ZMYM2: variants seen among roughly 807,000 people sequenced by gnomAD.
ZMYM2 encodes zinc finger MYM-type protein 2.
In ZMYM2, 56 loss-of-function variants were observed where a neutral mutation model predicts 162.8. That is an observed-to-expected ratio of 0.34 (90% CI 0.28 to 0.43). The LOEUF (loss-of-function observed/expected upper bound fraction) is 0.43. Ranked by LOEUF, ZMYM2 falls within the 20% of genes least tolerant of loss-of-function variation. The probability of loss-of-function intolerance (pLI) is 1.00; values close to 1 mark genes in which losing one functional copy is unlikely to be tolerated. For missense variants in ZMYM2, 1,275 were observed against 1,621.8 expected (o/e 0.79, Z 3.67); for synonymous variants, 510 against 541.6 (o/e 0.94, Z 0.81).
In ZMYM2 at chr13:20,006,419, A is replaced by G; in HGVS notation, c.1345A>G (p.Ser449Gly). 6.2e-7 allele frequency: 1 copy of G among 1,606,138 alleles called. No individual in the cohort carries two copies. Among genetic ancestry groups the G allele is most frequent in the Non-Finnish European group, 8.5e-7 (1 of 1,175,762 alleles). ...TAAAAATATGACTCATAAGCTGTGC[A>G]GTGACCACTGCTTTAATAGATATAG... is the stretch of plus-strand genomic sequence containing the variant. ...SFKNMTHKLC[S>G]DHCFNRYRMA... The change falls in exon 6 of 25, where the codon AGT (serine) becomes GGT (glycine). Residue 449 changes from serine to glycine, a missense_variant. Ser to Gly is a moderately conservative substitution (Grantham distance 56). This residue lies in a region of ZMYM2 where 276 missense variants were observed against 311.8 expected (regional missense o/e 0.89). Transcript: ENST00000610343.
At chr13:19,901,523 G>A in the ZMYM2 span, among the ~76,000 whole-genome samples, 2 of 151,688 alleles carry the variant, frequency 1.3e-5, no homozygotes, top group Non-Finnish European at 2.9e-5. Context: ...TTGAGATGGA[G>A]TCTGGCTCTG....
At chr13:19,986,584 A>AT (rs201020317) in intron 2 of ZMYM2, among the ~76,000 whole-genome samples, 7 of 152,302 alleles carry the variant, frequency 4.6e-5, no homozygotes, top group Admixed American at 3.3e-4. Flanking sequence ...TGAAAAAAAA[A>AT]TTTTTAACAT....
chr13:20,032,263 T>C (rs1473562937), intron 10 of ZMYM2, among the ~76,000 whole-genome samples: 1 of 152,176 alleles, frequency 6.6e-6, no homozygotes, highest in Non-Finnish European at 1.5e-5. Flanking sequence ...TGATTTGCTT[T>C]GACATGTCTC....
upstream of ZMYM2, among the ~76,000 whole-genome samples, chr13:19,955,103 C>T (rs895074994): frequency 1.3e-5 from 2 of 151,754 alleles, no homozygotes; most frequent in African/African-American, 2.4e-5. Context: ...TGAGCCACTG[C>T]GCCCGGCCCC....
chr13:20,031,865 G>GTTTTTT (rs10642086), intron 10 of ZMYM2, among the ~76,000 whole-genome samples: 31 of 130,270 alleles, frequency 2.4e-4, no homozygotes, highest in Non-Finnish European at 2.6e-4. Context: ...TTCTGTAATT[G>GTTTTTT]TTTTTTTTTT....
At position 20,081,998 on chromosome 13, in the gene ZMYM2, C is replaced by CT. The variant is rs5802036; in HGVS notation, c.3454-5dup. The CT allele has an allele frequency of 7.0e-4, 759 of 1,080,556 alleles. No homozygotes were observed. Among genetic ancestry groups the CT allele is most frequent in the South Asian group, 2.5e-3 (146 of 57,666 alleles). 66.9% of individuals were successfully genotyped at this position (1,080,556 alleles called of 1,614,324 possible). ...TTTTCTTTCAAGAAAGTTTGTGGGG[C>CT]TTTTTTTTTTTTTATAGTATTTGTG... On this transcript the variant is annotated splice_polypyrimidine_tract_variant and intron_variant, in intron 21 of 24. Coordinates refer to ENST00000610343, the MANE Select transcript of ZMYM2 (RefSeq NM_197968.4).
intron 7 of ZMYM2, among the ~76,000 whole-genome samples, chr13:20,022,140 T>C (rs1247649450): frequency 6.6e-6 from 1 of 152,228 alleles, no homozygotes; most frequent in Non-Finnish European, 1.5e-5. Context: ...TGTGTGTGTC[T>C]AATTTTCTAG....
At chr13:19,950,540 A>G in the ZMYM2 span, among the ~76,000 whole-genome samples, 2 of 152,300 alleles carry the variant, frequency 1.3e-5, no homozygotes, top group Admixed American at 1.3e-4. Context: ...GGCAAACGCT[A>G]AGCTCTAACC....
chr13:19,957,125 G>A (rs1044649730), upstream of ZMYM2, among the ~76,000 whole-genome samples: 3 of 151,870 alleles, frequency 2.0e-5, no homozygotes, highest in African/African-American at 7.3e-5. Flanking sequence ...TTTAGTACAA[G>A]GTGGAAAGCC....
the ZMYM2 span, among the ~76,000 whole-genome samples, chr13:19,895,611 A>G: frequency 2.0e-5 from 3 of 151,790 alleles, no homozygotes; most frequent in African/African-American, 7.3e-5. Flanking sequence ...CCGTTAATCC[A>G]CTAACCCCTT....
chr13:20,011,037 G>A (rs1035281357), intron 6 of ZMYM2, among the ~76,000 whole-genome samples: 7 of 152,152 alleles, frequency 4.6e-5, no homozygotes, highest in African/African-American at 1.7e-4. Context: ...TCAAATCAGG[G>A]TAATTAGGAT....
chr13:20,011,222 C>T (rs1043898730), intron 6 of ZMYM2, among the ~76,000 whole-genome samples: 10 of 152,196 alleles, frequency 6.6e-5, no homozygotes, highest in South Asian at 6.2e-4. Context: ...ACTTTTGTTC[C>T]GGAGTTGAAG....
In ZMYM2 at chr13:19,965,282, G is replaced by A. The variant is rs755933543; in HGVS notation, c.-11+5256G>A. 9.3e-6 allele frequency: 12 copies of A among 1,294,316 alleles called. No homozygotes were observed. The South Asian group carries it at 1.4e-4, about 15-fold the overall frequency. 80.2% of individuals were successfully genotyped at this position (1,294,316 alleles called of 1,614,324 possible). A position where few individuals can be genotyped will look rare whatever the true frequency, so the allele number is the denominator to read the frequency against. On this transcript the variant is annotated intron_variant, in intron 2 of 24. Transcript: ENST00000610343. ...GGATACCATCTCTGGACTTACTAGT[G>A]TAAGAATTGACAACTAAATTTTTGG...
chr13:20,023,629 A>C (rs1952309079), intron 7 of ZMYM2, among the ~76,000 whole-genome samples: 1 of 152,178 alleles, frequency 6.6e-6, no homozygotes, highest in Non-Finnish European at 1.5e-5. Flanking sequence ...CACTGAAATT[A>C]TACGTAGGCT....
At position 20,068,982 on chromosome 13, in the gene ZMYM2, T is replaced by C. The variant is rs1052782406; in HGVS notation, c.3453+1592T>C. ...TAGATAATAAAACTTTTAAAATCAA[T>C]AAAAACAACAAAATAAGGGGTTCTC... On this transcript the variant is annotated intron_variant, in intron 21 of 24. Transcript: ENST00000610343. 2.6e-5 allele frequency among the ~76,000 whole-genome samples: 4 copies of C among 152,048 alleles called. No homozygotes were observed. The South Asian group carries it at 8.3e-4, about 31-fold the overall frequency.
In ZMYM2 at chr13:20,083,636, T is replaced by C. The variant is rs1362764206; in HGVS notation, c.3821-20T>C. 2.7e-6 allele frequency: 4 copies of C among 1,471,728 alleles called. No homozygotes were observed. The highest frequency in any genetic ancestry group is 3.7e-6 in the Non-Finnish European group (4 of 1,079,446). 91.2% of individuals were successfully genotyped at this position (1,471,728 alleles called of 1,614,324 possible). A position where few individuals can be genotyped will look rare whatever the true frequency, so the allele number is the denominator to read the frequency against. ...CTTCAAGATTAGTTTAGGAGGTTTA[T>C]TTCACTTTTATTTTTTAAGATAAAA... On this transcript the variant is annotated intron_variant, in intron 23 of 24. Transcript: ENST00000610343.
chr13:20,003,266 GCTTC>G lies in ZMYM2; in HGVS notation c.1133+134_1133+137del, dbSNP rs1436274273. ...AGTCCAGGTGGCATATGGATAAAAG[GCTTC>G]CTGTTTGGATGGCATTGGAGTTGAT... is the stretch of plus-strand genomic sequence containing the variant. On this transcript the variant is annotated intron_variant, in intron 4 of 24. Coordinates refer to ENST00000610343, the MANE Select transcript of ZMYM2 (RefSeq NM_197968.4). 5.5e-5 allele frequency: 61 copies of G among 1,107,200 alleles called. No individual in the cohort carries two copies. In the Middle Eastern group the frequency reaches 1.2e-3, roughly 22 times the overall value. The allele number at this position is 1,107,200 out of a possible 1,614,324, so 68.6% of individuals were successfully genotyped here. A position where few individuals can be genotyped will look rare whatever the true frequency, so the allele number is the denominator to read the frequency against.
chr13:20,026,761 A>G lies in ZMYM2; in HGVS notation c.1734A>G (p.Gln578=), dbSNP rs753469994. 6.3e-6 allele frequency: 10 copies of G among 1,590,630 alleles called. No individual in the cohort carries two copies. The East Asian group carries it at 1.6e-4, about 25-fold the overall frequency. Reference sequence around the variant, plus strand: ...ACAAGACAAAATATGCAAAATCACAAAGTAAGTTTCACATATTTGGACAGT... The same window carrying G: ...ACAAGACAAAATATGCAAAATCACAGAGTAAGTTTCACATATTTGGACAGT... ...NSHKTKYAKS[Q]SLGIICHFCK... is the part of the protein sequence containing the mutation. The change falls in exon 8 of 25, where the codon CAA becomes CAG. Residue 578 remains glutamine, a splice_region_variant and synonymous_variant. Transcript: ENST00000610343.
At position 20,087,150 on chromosome 13, in the gene ZMYM2, T is replaced by C. The variant is rs1285624118; in HGVS notation, c.*1136T>C. ...ATGAAGATTACCAGTGTAGTAATTC[T>C]GATATTGCAAATGATTGAGGAACAA... On this transcript the variant is annotated 3_prime_UTR_variant, in exon 25 of 25. Transcript: ENST00000610343. 1 of 187,696 alleles carries C rather than the reference T, an allele frequency of 5.3e-6. No homozygotes were observed. The highest frequency in any genetic ancestry group is 1.1e-5 in the Non-Finnish European group (1 of 89,090). 11.6% of individuals were successfully genotyped at this position (187,696 alleles called of 1,614,324 possible). A position where few individuals can be genotyped will look rare whatever the true frequency, so the allele number is the denominator to read the frequency against.
Sources: gnomAD v4.1 joint callset for allele counts (sites outside exome capture counted in the v4.1 genomes callset) on GRCh38, gnomAD v4.1.1 for gene constraint, gnomAD v4.1.1 regional missense constraint, MANE v1.5 for transcripts, NCBI Gene and HGNC (gene_info 2026-07-23, HGNC 2026-07-21) for gene names.